Variants in TMPRSS12 observed in about 807,000 individuals in gnomAD.
The protein encoded by TMPRSS12 is transmembrane protease serine 12.
A neutral mutation model predicts 26.0 loss-of-function variants in TMPRSS12; 25 were observed. That is an observed-to-expected ratio of 0.96 (90% CI 0.70 to 1.34). TMPRSS12 has a LOEUF of 1.34. Among genes scored for constraint, TMPRSS12 ranks in the 40% most tolerant of loss-of-function variants. TMPRSS12 has a pLI of 0.00. For missense variants in TMPRSS12, 441 were observed against 440.1 expected, an observed-to-expected ratio of 1.00 and a Z score of -0.02; for synonymous variants, 150 against 161.7, an observed-to-expected ratio of 0.93 and a Z score of 0.55.
intron 3 of TMPRSS12, among the ~76,000 whole-genome samples, chr12:50,866,348 G>T (rs1175966546): frequency 6.6e-6 from 1 of 152,110 alleles, no homozygotes; most frequent in Non-Finnish European, 1.5e-5. Flanking sequence ...GATGAGGCCT[G>T]TGATTGCCAG....
intron 2 of TMPRSS12, among the ~76,000 whole-genome samples, chr12:50,851,406 A>G (rs1324718866): frequency 6.6e-6 from 1 of 152,234 alleles, no homozygotes; most frequent in East Asian, 1.9e-4. Flanking sequence ...CAAGAATTTA[A>G]TAATACAATT....
At chr12:50,873,232 G>A (rs974041241) in intron 3 of TMPRSS12, among the ~76,000 whole-genome samples, 11 of 151,934 alleles carry the variant, frequency 7.2e-5, no homozygotes, top group African/African-American at 2.4e-4. Flanking sequence ...CAAATAGGGT[G>A]CAGTGTATAC....
At chr12:50,870,785 A>G (rs1938034924) in intron 3 of TMPRSS12, among the ~76,000 whole-genome samples, 1 of 72,776 alleles carries the variant, frequency 1.4e-5, no homozygotes, top group South Asian at 4.8e-4. Flanking sequence ...TACACAAATC[A>G]GTAGCTCTCC....
intron 3 of TMPRSS12, among the ~76,000 whole-genome samples, chr12:50,870,551 A>T (rs1318984311): frequency 6.6e-6 from 1 of 152,206 alleles, no homozygotes; most frequent in Non-Finnish European, 1.5e-5. Flanking sequence ...CAAGACAAGG[A>T]TGCCCACTGT....
Position 50,843,023 on chromosome 12 carries a change from C to T in TMPRSS12, c.59C>T (p.Ser20Leu). 1.2e-6 allele frequency: 2 copies of T among 1,606,634 alleles called. No homozygotes were observed. Among genetic ancestry groups the T allele is most frequent in the Non-Finnish European group, 1.7e-6 (2 of 1,176,856 alleles). The change falls in exon 1 of 5, where the codon TCA becomes TTA. Residue 20 changes from serine (S) to leucine (L), a missense_variant. Ser to Leu is a moderately radical substitution (Grantham distance 145). Coordinates refer to ENST00000398458, the MANE Select transcript of TMPRSS12 (RefSeq NM_182559.3). ...LLFVGSSHLYSDHYSPSGRHR... is the reference protein window; with the variant it reads ...LLFVGSSHLYLDHYSPSGRHR... ...TTTGTGGGGAGCTCTCACTTATACTCAGACCACTACTCGCCCTCTGGAAGG... is the reference window on the plus strand; with the variant it reads ...TTTGTGGGGAGCTCTCACTTATACTTAGACCACTACTCGCCCTCTGGAAGG...
chr12:50,882,335 T>A (rs1938184141), intron 3 of TMPRSS12, among the ~76,000 whole-genome samples: 1 of 129,992 alleles, frequency 7.7e-6, no homozygotes, highest in African/African-American at 2.9e-5. Flanking sequence ...CCAGACATGG[T>A]GGTACATGTC....
chr12:50,857,805 TGTC>T (rs1269657948), intron 2 of TMPRSS12, among the ~76,000 whole-genome samples: 15 of 143,318 alleles, frequency 1.0e-4, no homozygotes, highest in East Asian at 5.9e-4. Context: ...TTGTTGTTGT[TGTC>T]GTTGTTGTCG....
chr12:50,855,342 TA>T (rs1937865494), intron 2 of TMPRSS12, among the ~76,000 whole-genome samples: 1 of 152,176 alleles, frequency 6.6e-6, no homozygotes, highest in African/African-American at 2.4e-5. Flanking sequence ...CTAGGATCTA[TA>T]AGGAACTTAA....
Position 50,865,627 on chromosome 12 carries a change from T to C in TMPRSS12, c.652+6574T>C, listed in dbSNP as rs570132222. Among the ~76,000 whole-genome samples, 220 of 151,850 alleles carry C rather than the reference T, an allele frequency of 1.4e-3. 1 individual carries two copies. The highest frequency in any genetic ancestry group is 3.4e-3 in the Middle Eastern group (1 of 294). ...GAAAGACATGAATCCAGATAAAATA[T>C]TAATAGGCACAATATTAGCCAAAAC... On this transcript the variant is annotated intron_variant, in intron 3 of 4. Coordinates refer to ENST00000398458, the MANE Select transcript of TMPRSS12 (RefSeq NM_182559.3).
Position 50,843,022 on chromosome 12 carries a change from T to A in TMPRSS12, c.58T>A (p.Ser20Thr), listed in dbSNP as rs61734834. The A allele has an allele frequency of 6.2e-7, 1 of 1,606,848 alleles. No individual in the cohort carries two copies. The highest frequency in any genetic ancestry group is 1.1e-5 in the South Asian group (1 of 89,574). The change falls in exon 1 of 5, where the codon TCA (serine) becomes ACA (threonine). Residue 20 changes from serine to threonine, a missense_variant. Ser to Thr is a moderately conservative substitution (Grantham distance 58). Transcript: ENST00000398458. ...LLFVGSSHLY[S>T]DHYSPSGRHR... ...GTTTGTGGGGAGCTCTCACTTATAC[T>A]CAGACCACTACTCGCCCTCTGGAAG... is the stretch of plus-strand genomic sequence containing the variant.
chr12:50,859,248 C>A (rs539153261), intron 3 of TMPRSS12, among the ~76,000 whole-genome samples, 195 bp downstream of exon 3: 1 of 148,992 alleles, frequency 6.7e-6, no homozygotes, highest in South Asian at 2.1e-4. Context: ...CAGAGTCTTG[C>A]TCTGTTGCCC....
chr12:50,847,089 C>T lies in TMPRSS12; in HGVS notation c.383+3052C>T, dbSNP rs1315283865. On this transcript the variant is annotated intron_variant, in intron 2 of 4. Coordinates refer to ENST00000398458, the MANE Select transcript of TMPRSS12 (RefSeq NM_182559.3). ...TTTTTTTTTTTTTGAGACGGAGTCT[C>T]GCTCTGTTGCCCAGGCTGGAGTGCA... 9.6e-5 allele frequency among the ~76,000 whole-genome samples: 12 copies of T among 124,448 alleles called. No homozygotes were observed. In the Admixed American group the frequency reaches 1.0e-3, roughly 11 times the overall value. The allele number at this position is 124,448 out of a possible 152,430, so 81.6% of individuals were successfully genotyped here.
At position 50,847,665 on chromosome 12, in the gene TMPRSS12, G is replaced by T. The variant is rs989606309; in HGVS notation, c.383+3628G>T. 6.6e-5 allele frequency among the ~76,000 whole-genome samples: 10 copies of T among 152,026 alleles called. No homozygotes were observed. In the East Asian group the frequency reaches 1.6e-3, roughly 24 times the overall value. On this transcript the variant is annotated intron_variant, in intron 2 of 4. Transcript: ENST00000398458. Reference sequence around the variant, plus strand: ...AATCCCAGCACTTTGGGAGGCTGAGGCAGGAGGATCACCTGAGGTCAGAAG... The same window carrying T: ...AATCCCAGCACTTTGGGAGGCTGAGTCAGGAGGATCACCTGAGGTCAGAAG...
At chr12:50,848,466 C>G (rs554158234) in intron 2 of TMPRSS12, among the ~76,000 whole-genome samples, 21 of 152,186 alleles carry the variant, frequency 1.4e-4, no homozygotes, top group Non-Finnish European at 2.9e-4. Flanking sequence ...CTGTCTATAG[C>G]TAGGTGTCTC....
intron 1 of TMPRSS12, among the ~76,000 whole-genome samples, chr12:50,843,615 A>T (rs1937735446): frequency 6.6e-6 from 1 of 152,204 alleles, no homozygotes; most frequent in African/African-American, 2.4e-5. Context: ...ATAGAGTTTT[A>T]AAATTAATGA....
At chr12:50,882,972 T>C (rs1938190420) in intron 3 of TMPRSS12, among the ~76,000 whole-genome samples, 1 of 152,214 alleles carries the variant, frequency 6.6e-6, no homozygotes, top group South Asian at 2.1e-4. Flanking sequence ...CCCAACGTTA[T>C]AAATGCAGGC....
chr12:50,845,892 G>A (rs142798203), intron 2 of TMPRSS12, among the ~76,000 whole-genome samples: 1 of 152,160 alleles, frequency 6.6e-6, no homozygotes. Flanking sequence ...TACTAGTGAT[G>A]TTAGGCATCT....
intron 2 of TMPRSS12, among the ~76,000 whole-genome samples, chr12:50,853,060 A>G (rs988184059): frequency 6.6e-6 from 1 of 152,198 alleles, no homozygotes; most frequent in Non-Finnish European, 1.5e-5. Context: ...ATACTCTAAA[A>G]TAGACCACAC....
chr12:50,856,337 G>A (rs1023992245), intron 2 of TMPRSS12, among the ~76,000 whole-genome samples: 1 of 152,064 alleles, frequency 6.6e-6, no homozygotes, highest in African/African-American at 2.4e-5. Flanking sequence ...CTCACCACAA[G>A]CAATGCCAGC....
Sources: gnomAD v4.1 joint callset for allele counts (sites outside exome capture counted in the v4.1 genomes callset) on GRCh38, gnomAD v4.1.1 for gene constraint, MANE v1.5 for transcripts, NCBI Gene and HGNC (gene_info 2026-07-23, HGNC 2026-07-21) for gene names.